The following TET3 variants were observed in gnomAD, a reference collection of about 807,000 sequenced individuals.
TET3 encodes tet methylcytosine dioxygenase 3.
Under a neutral mutation model 141.4 loss-of-function variants are expected in TET3, and 19 were observed. That is an observed-to-expected ratio of 0.13 (90% CI 0.09 to 0.20). The LOEUF is 0.20. Ranked by LOEUF, TET3 falls within the 10% of genes least tolerant of loss-of-function variation. TET3 has a pLI of 1.00. For missense variants in TET3, 1,874 were observed against 2,356.9 expected (o/e 0.80, Z 4.24); for synonymous variants, 1,043 against 980.9 (o/e 1.06, Z -1.18).
At chr2:74,067,778 A>G (rs1195862964) in intron 4 of TET3, among the ~76,000 whole-genome samples, 2 of 152,212 alleles carry the variant, frequency 1.3e-5, no homozygotes, top group Non-Finnish European at 2.9e-5. Flanking sequence ...TGTCAGTGAG[A>G]AAACATATTT....
Position 74,046,494 on chromosome 2 carries a change from C to A in TET3, c.577C>A (p.Arg193Ser). 1 of 1,613,870 alleles carries A rather than the reference C, an allele frequency of 6.2e-7. No individual in the cohort carries two copies. Among genetic ancestry groups the A allele is most frequent in the Non-Finnish European group, 8.5e-7 (1 of 1,179,794 alleles). The change falls in exon 4 of 12, where the codon CGC becomes AGC. Residue 193 changes from arginine to serine, a missense_variant. This residue lies in a region of TET3 where 366 missense variants were observed against 487.0 expected (regional missense o/e 0.75). Coordinates refer to ENST00000409262, the MANE Select transcript of TET3 (RefSeq NM_001287491.2). This position sits in a 1 kb window ranked among gnomAD's most constrained non-coding sequence, Gnocchi z 4.3. ...TGCCCCAGGCCCAGCTCATACTGCT[C>A]GCCTGGAAGATGCCCACGATCTGGT... ...EAAPGPAHTA[R>S]LEDAHDLVAF...
chr2:74,032,296 A>AG (rs1300767433), intron 3 of TET3, among the ~76,000 whole-genome samples: 20 of 151,582 alleles, frequency 1.3e-4, no homozygotes. Flanking sequence ...TTGGGGTAGG[A>AG]GGTGTGGGTG....
At chr2:74,134,054 T>C in the TET3 span, among the ~76,000 whole-genome samples, 2 of 152,174 alleles carry the variant, frequency 1.3e-5, no homozygotes, top group Non-Finnish European at 2.9e-5. Flanking sequence ...ATTCTGTTCT[T>C]TAGAAGATCA....
At chr2:74,008,025 T>A (rs1373166708) in intron 3 of TET3, among the ~76,000 whole-genome samples, 1 of 152,150 alleles carries the variant, frequency 6.6e-6, no homozygotes, top group Non-Finnish European at 1.5e-5. Context: ...TCCTCTTGGT[T>A]CCTGTATTTA....
At chr2:74,048,526 T>A (rs917791170) in intron 4 of TET3, 115 bp downstream of exon 4, 25 of 1,141,166 alleles carry the variant, frequency 2.2e-5, no homozygotes, top group Admixed American at 1.4e-4. Context: ...ACTGCCACAC[T>A]GGGTTCTGGG....
At chr2:74,007,397 G>A (rs1189055283) in intron 3 of TET3, among the ~76,000 whole-genome samples, 4 of 152,356 alleles carry the variant, frequency 2.6e-5, no homozygotes, top group Admixed American at 6.5e-5. Flanking sequence ...GAGGAGGGCA[G>A]TGGGGTCAGA....
rs1025373112 is a variant in TET3 at position 74,107,801 on chromosome 2, T to G, written c.*5625T>G. ...CTGTGGCTACTTGAAATGAAGTTTA[T>G]CTGGGGTTGATGGATGAATGGTAGA... On this transcript the variant is annotated 3_prime_UTR_variant, in exon 12 of 12. Coordinates refer to ENST00000409262, the MANE Select transcript of TET3 (RefSeq NM_001287491.2). 4 of 152,238 alleles carry G rather than the reference T, an allele frequency of 2.6e-5. No homozygotes were observed. Among genetic ancestry groups the G allele is most frequent in the African/African-American group, 9.6e-5 (4 of 41,468 alleles). The allele number at this position is 152,238 out of a possible 1,614,324, so 9.4% of individuals were successfully genotyped here.
At chr2:74,010,113 G>A (rs1685349731) in intron 3 of TET3, among the ~76,000 whole-genome samples, 2 of 152,090 alleles carry the variant, frequency 1.3e-5, no homozygotes, top group Admixed American at 6.6e-5. Flanking sequence ...TGGACCCTGG[G>A]TAGTAGTTAG....
chr2:74,021,754 AG>A (rs1686057800), intron 3 of TET3, among the ~76,000 whole-genome samples: 6 of 152,344 alleles, frequency 3.9e-5, no homozygotes, highest in Admixed American at 3.3e-4. Context: ...ATGGAGTTTG[AG>A]AACTGCTGGC....
At chr2:74,080,323 G>A (rs1425329901) in intron 5 of TET3, among the ~76,000 whole-genome samples, 175 bp from the exon 6 acceptor site, 1 of 152,248 alleles carries the variant, frequency 6.6e-6, no homozygotes, top group East Asian at 1.9e-4. Flanking sequence ...AGTGGCCGCT[G>A]TGTCTCCAGA....
rs35319685 is a variant in TET3 at position 74,017,961 on chromosome 2, CTTTTTTTT to C, written c.360+14811_360+14818del. ...GGATAAGATGAAACCTCTTCTGTCT[CTTTTTTTT>C]TTTTTTTTTTTTTTTGAGACGGAGT... On this transcript the variant is annotated intron_variant, in intron 3 of 11. Transcript: ENST00000409262. Among the ~76,000 whole-genome samples, 9 of 97,234 alleles carry C rather than the reference CTTTTTTTT, an allele frequency of 9.3e-5. No individual in the cohort carries two copies. The East Asian group carries it at 2.2e-3, about 24-fold the overall frequency. The allele number at this position is 97,234 out of a possible 152,430, so 63.8% of individuals were successfully genotyped here. A position where few individuals can be genotyped will look rare whatever the true frequency, so the allele number is the denominator to read the frequency against.
intron 4 of TET3, among the ~76,000 whole-genome samples, chr2:74,066,358 G>A (rs947754263): frequency 1.3e-5 from 2 of 152,086 alleles, no homozygotes; most frequent in Admixed American, 6.5e-5. Flanking sequence ...TTGAAAATGA[G>A]ACATTTACAT....
Position 73,995,258 on chromosome 2 carries a change from C to T in TET3, c.304-7852C>T, listed in dbSNP as rs1468506478. Among the ~76,000 whole-genome samples, 8 of 152,368 alleles carry T rather than the reference C, an allele frequency of 5.3e-5. No individual in the cohort carries two copies. In the East Asian group the frequency reaches 1.5e-3, roughly 29 times the overall value. The stretch of plus-strand genomic sequence containing the variant: ...TATAGGCGTGAGCCACTGTGCCTGG[C>T]CTGTTTGCATGTTTTTTAGATGACT... On this transcript the variant is annotated intron_variant, in intron 2 of 11. Transcript: ENST00000409262.
At chr2:74,131,674 T>G in the TET3 span, among the ~76,000 whole-genome samples, 7 of 152,106 alleles carry the variant, frequency 4.6e-5, no homozygotes, top group African/African-American at 1.7e-4. Flanking sequence ...ACTTTGGGTT[T>G]TCCACTGGAA....
the TET3 span, among the ~76,000 whole-genome samples, chr2:74,118,427 G>A: frequency 6.6e-6 from 1 of 152,176 alleles, no homozygotes; most frequent in East Asian, 1.9e-4. Context: ...GTATCAGTAA[G>A]CACAGTACGG....
rs1691479759 is a variant in TET3 at position 74,106,027 on chromosome 2, G to A, written c.*3851G>A. 6.6e-6 allele frequency: 1 copy of A among 152,604 alleles called. No homozygotes were observed. The highest frequency in any genetic ancestry group is 1.5e-5 in the Non-Finnish European group (1 of 68,004). 9.5% of individuals were successfully genotyped at this position (152,604 alleles called of 1,614,324 possible). On this transcript the variant is annotated 3_prime_UTR_variant, in exon 12 of 12. Transcript: ENST00000409262. ...ATGTGACTGTCCCTGATCCTGTCTT[G>A]CTGAGGTGCTATCAACGTTCTGAAA...
intron 3 of TET3, among the ~76,000 whole-genome samples, chr2:74,039,275 G>A (rs886614947): frequency 6.6e-6 from 1 of 152,164 alleles, no homozygotes; most frequent in East Asian, 1.9e-4. Context: ...AACTCCTGCA[G>A]AATTCTTCCC....
intron 3 of TET3, among the ~76,000 whole-genome samples, chr2:74,016,100 G>T (rs1248114630): frequency 6.6e-6 from 1 of 151,964 alleles, no homozygotes; most frequent in African/African-American, 2.4e-5. Flanking sequence ...GGGCGTGGTG[G>T]CTCATGCTTA....
chr2:74,127,533 A>C, the TET3 span, among the ~76,000 whole-genome samples: 1 of 152,176 alleles, frequency 6.6e-6, no homozygotes, highest in Non-Finnish European at 1.5e-5. Context: ...AACGAATTGG[A>C]GACAGAAAAT....
Sources: gnomAD v4.1 joint callset for allele counts (sites outside exome capture counted in the v4.1 genomes callset) on GRCh38, gnomAD v4.1.1 for gene constraint, gnomAD v4.1.1 regional missense constraint, Gnocchi (gnomAD v3.1) non-coding constraint, MANE v1.5 for transcripts, NCBI Gene and HGNC (gene_info 2026-07-23, HGNC 2026-07-21) for gene names.